ZNF678: variants seen among roughly 807,000 people sequenced by gnomAD.
ZNF678 encodes hypothetical protein MGC42493.
In ZNF678, 5 loss-of-function variants were observed where a neutral mutation model predicts 3.0. The observed-to-expected ratio is 1.69, with a 90% CI of 0.88 to 3.56. ZNF678 has a LOEUF of 3.56. ZNF678 is among the 30% of genes most tolerant of loss of function. The pLI, the probability that ZNF678 is intolerant of heterozygous loss-of-function variation, is 0.00. For synonymous variants in ZNF678, 218 were observed against 199.6 expected (o/e 1.09, Z -0.78); for missense variants, 593 against 605.0 (o/e 0.98, Z 0.21).
At chr1:227,633,790 T>G (rs1460863458) in intron 1 of ZNF678, among the ~76,000 whole-genome samples, 1 of 152,166 alleles carries the variant, frequency 6.6e-6, no homozygotes, top group Non-Finnish European at 1.5e-5. Context: ...AAAGACAGTC[T>G]AGGCCACAAA....
Position 227,587,332 on chromosome 1 carries a change from GCAAAA to G in ZNF678, c.-164+23634_-164+23638del, listed in dbSNP as rs533441068. On this transcript the variant is annotated intron_variant, in intron 1 of 3. Coordinates refer to ENST00000343776, the MANE Select transcript of ZNF678 (RefSeq NM_001367909.1). ...GCTACTGAACCAGGATATATAGGAG[GCAAAA>G]CAAAACAAAACAAAACAAAACAAAA... Among the ~76,000 whole-genome samples, 21 of 151,516 alleles carry G rather than the reference GCAAAA, an allele frequency of 1.4e-4. 1 individual carries two copies. Among genetic ancestry groups the G allele is most frequent in the East Asian group, 3.9e-4 (2 of 5,168 alleles).
intron 1 of ZNF678, among the ~76,000 whole-genome samples, chr1:227,588,030 T>C (rs1346263343): frequency 6.6e-6 from 1 of 152,008 alleles, no homozygotes; most frequent in Admixed American, 6.6e-5. Context: ...TCCCCCAACA[T>C]GTTCATGTTT....
chr1:227,671,362 A>G (rs1414385380), intron 5 of ZNF678, among the ~76,000 whole-genome samples: 1 of 151,802 alleles, frequency 6.6e-6, no homozygotes, highest in Non-Finnish European at 1.5e-5. Context: ...CCATATTTGC[A>G]ATTCTGCCCT....
At position 227,572,674 on chromosome 1, in the gene ZNF678, T is replaced by C. The variant is rs142167752; in HGVS notation, c.-164+8950T>C. ...AGAGAGCTCAGCTAAGGCCTAAAGT[T>C]GTAAAGGGGCCTTTCCGGAGCCCCA... On this transcript the variant is annotated intron_variant, in intron 1 of 3. Transcript: ENST00000343776. Among the ~76,000 whole-genome samples the C allele has an allele frequency of 2.7e-3, 407 of 152,180 alleles. 2 individuals are homozygous for C. Among genetic ancestry groups the C allele is most frequent in the African/African-American group, 9.5e-3 (393 of 41,528 alleles).
intron 1 of ZNF678, among the ~76,000 whole-genome samples, chr1:227,627,875 A>C (rs917365192): frequency 1.3e-5 from 2 of 152,238 alleles, no homozygotes; most frequent in African/African-American, 4.8e-5. Context: ...GGATCCGTCA[A>C]GGGAACCTCT....
At chr1:227,598,945 C>A in intron 1 of ZNF678, 1 of 812,650 alleles carries the variant, frequency 1.2e-6, no homozygotes. Flanking sequence ...GTTCTTTCTT[C>A]CAGTTCTCAT....
At chr1:227,645,556 TA>T (rs1373561844) in intron 1 of ZNF678, among the ~76,000 whole-genome samples, 1 of 152,244 alleles carries the variant, frequency 6.6e-6, no homozygotes, top group Non-Finnish European at 1.5e-5. Flanking sequence ...ATCTTTACTA[TA>T]AATTTTGACC....
intron 1 of ZNF678, among the ~76,000 whole-genome samples, chr1:227,626,130 AG>A (rs1258125584): frequency 1.3e-5 from 2 of 152,136 alleles, no homozygotes; most frequent in East Asian, 1.9e-4. Context: ...TGAGAGTGAA[AG>A]GGGGTAAGAG....
chr1:227,564,754 A>G (rs1656625306), intron 1 of ZNF678, among the ~76,000 whole-genome samples: 1 of 152,158 alleles, frequency 6.6e-6, no homozygotes, highest in African/African-American at 2.4e-5. Flanking sequence ...TTCTTTAAGA[A>G]GGAGTCTCGC....
At position 227,573,818 on chromosome 1, in the gene ZNF678, T is replaced by C. The variant is rs186156981; in HGVS notation, c.-164+10094T>C. On this transcript the variant is annotated intron_variant, in intron 1 of 3. Transcript: ENST00000343776. The stretch of plus-strand genomic sequence containing the variant: ...TAGTTATTTTTTCTGATTCTCTCCC[T>C]CCTCCCACTTCTACCATCAGATAAG... Among the ~76,000 whole-genome samples the C allele has an allele frequency of 1.1e-3, 173 of 152,284 alleles. 1 individual carries two copies. The highest frequency in any genetic ancestry group is 2.3e-3 in the Non-Finnish European group (153 of 67,998).
chr1:227,668,567 G>A (rs1359650042), intron 5 of ZNF678, among the ~76,000 whole-genome samples: 14 of 152,186 alleles, frequency 9.2e-5, no homozygotes, highest in Admixed American at 9.2e-4. Context: ...GTTTTGGCAG[G>A]AGAACCTTTA....
chr1:227,617,631 G>A (rs552809194), intron 1 of ZNF678, among the ~76,000 whole-genome samples: 3 of 152,304 alleles, frequency 2.0e-5, no homozygotes, highest in Admixed American at 1.3e-4. Flanking sequence ...TTGCTTCAAA[G>A]TAGAAATGGC....
Position 227,657,892 on chromosome 1 carries a change from T to C in ZNF678, c.*2064T>C, listed in dbSNP as rs952084572. On this transcript the variant is annotated 3_prime_UTR_variant, in exon 4 of 4. Coordinates refer to ENST00000343776, the MANE Select transcript of ZNF678 (RefSeq NM_001367909.1). ...TTGAATTTACTTCTGTAAAATCTTA[T>C]GGCTGCTGGCTCAGAATCTTCTCAT... 6.6e-5 allele frequency: 10 copies of C among 152,080 alleles called. No homozygotes were observed. The highest frequency in any genetic ancestry group is 2.2e-4 in the African/African-American group (9 of 41,456). 9.4% of individuals were successfully genotyped at this position (152,080 alleles called of 1,614,324 possible).
At chr1:227,635,515 TTGTGTGTG>T (rs56135481) in intron 1 of ZNF678, among the ~76,000 whole-genome samples, 2,180 of 127,990 alleles carry the variant, frequency 0.017, 40 homozygotes, top group African/African-American at 0.044. Flanking sequence ...GGGTGAACAT[TTGTGTGTG>T]TGTGTGTGTG....
At chr1:227,628,247 T>C (rs10799430) in intron 1 of ZNF678, among the ~76,000 whole-genome samples, 105,225 of 152,150 alleles carry the variant, frequency 0.69, 37,763 homozygotes, top group African/African-American at 0.89. Flanking sequence ...CCATGTGTTG[T>C]AAGCTGGTCC....
chr1:227,566,947 T>C (rs1014606761), intron 1 of ZNF678, among the ~76,000 whole-genome samples: 1 of 152,214 alleles, frequency 6.6e-6, no homozygotes, highest in African/African-American at 2.4e-5. Flanking sequence ...TCTTTTTCAT[T>C]ATGCCTATAG....
chr1:227,673,341 C>T (rs574438323), intron 5 of ZNF678, among the ~76,000 whole-genome samples: 2 of 152,312 alleles, frequency 1.3e-5, no homozygotes, highest in South Asian at 2.1e-4. Flanking sequence ...TCTTAGATGA[C>T]GTTTCTGCTA....
At chr1:227,607,023 A>G (rs1657889381) in intron 1 of ZNF678, among the ~76,000 whole-genome samples, 1 of 152,202 alleles carries the variant, frequency 6.6e-6, no homozygotes. Context: ...TTCCCCACAG[A>G]AAGTATTTGG....
chr1:227,620,056 G>A (rs915272049), intron 1 of ZNF678, among the ~76,000 whole-genome samples: 10 of 152,182 alleles, frequency 6.6e-5, no homozygotes, highest in Admixed American at 5.9e-4. Context: ...TTGAGACTCT[G>A]GAGGAGCATC....
Sources: gnomAD v4.1 joint callset for allele counts (sites outside exome capture counted in the v4.1 genomes callset) on GRCh38, gnomAD v4.1.1 for gene constraint, MANE v1.5 for transcripts, NCBI Gene and HGNC (gene_info 2026-07-23, HGNC 2026-07-21) for gene names.